Variants in DACH2 observed in about 807,000 individuals in gnomAD.
DACH2 encodes the protein dachshund homolog 2.
A neutral mutation model predicts 35.8 loss-of-function variants in DACH2; 17 were observed. The observed-to-expected ratio is 0.48, with a 90% CI of 0.33 to 0.71. DACH2 has a LOEUF of 0.71. Ranked by LOEUF, DACH2 falls within the 30% of genes least tolerant of loss-of-function variation. The pLI is 0.02. For missense variants in DACH2, 469 were observed against 472.7 expected (o/e 0.99, Z 0.07); for synonymous variants, 195 against 177.3 (o/e 1.10, Z -0.79).
At chrX:86,522,439 G>T (rs948729781) in intron 3 of DACH2, among the ~76,000 whole-genome samples, 2 of 111,165 alleles carry the variant, frequency 1.8e-5, no homozygotes, top group Non-Finnish European at 3.8e-5. Flanking sequence ...TATTCATTTA[G>T]ATATTATATC....
intron 2 of DACH2, among the ~76,000 whole-genome samples, chrX:86,445,566 C>CAAAAAAAAAAAAAAAAAAAAAAAA (rs34980646): frequency 2.1e-5 from 1 of 48,102 alleles, no homozygotes; most frequent in African/African-American, 8.9e-5. Flanking sequence ...TCAGAGTGAA[C>CAAAAAAAAAAAAAAAAAAAAAAAA]AAAAAAAAAA....
At chrX:86,361,595 T>C (rs2035740475) in intron 1 of DACH2, among the ~76,000 whole-genome samples, 1 of 111,659 alleles carries the variant, frequency 9.0e-6, no homozygotes, top group Admixed American at 9.6e-5. Context: ...GTTGACAAGA[T>C]ACAGTGAATT....
At chrX:86,243,654 T>G (rs1053545606) in intron 1 of DACH2, among the ~76,000 whole-genome samples, 1 of 112,085 alleles carries the variant, frequency 8.9e-6, no homozygotes, top group Non-Finnish European at 1.9e-5. Context: ...CTACTCAGGA[T>G]TCTCTCCAAG....
At chrX:86,603,123 T>G (rs1176628075) in intron 3 of DACH2, among the ~76,000 whole-genome samples, 1 of 111,299 alleles carries the variant, frequency 9.0e-6, no homozygotes, top group Non-Finnish European at 1.9e-5. Context: ...AATGGTCTAC[T>G]CTATGTTTGT....
At chrX:86,604,809 G>T (rs1232268364) in intron 3 of DACH2, among the ~76,000 whole-genome samples, 1 of 111,436 alleles carries the variant, frequency 9.0e-6, no homozygotes, top group Non-Finnish European at 1.9e-5. Context: ...AGTGAAAGTG[G>T]TGACTCAGAA....
intron 11 of DACH2, chrX:86,830,791 C>G (rs2042604828): frequency 9.0e-6 from 1 of 111,248 alleles, no homozygotes; most frequent in African/African-American, 3.3e-5. Flanking sequence ...CATTTCATGT[C>G]AAAGAGCTTT....
intron 1 of DACH2, among the ~76,000 whole-genome samples, chrX:86,337,298 A>C: frequency 8.9e-6 from 1 of 112,077 alleles, no homozygotes; most frequent in Middle Eastern, 4.6e-3. Flanking sequence ...GGTTGAAATG[A>C]AGGATAAAAT....
chrX:86,821,111 G>C (rs777084075), intron 11 of DACH2, among the ~76,000 whole-genome samples: 6 of 110,979 alleles, frequency 5.4e-5, no homozygotes, highest in Non-Finnish European at 1.1e-4. Flanking sequence ...ACCACAGTGT[G>C]CTCTCCATCT....
At chrX:86,163,760 C>T (rs2030847273) in intron 1 of DACH2, among the ~76,000 whole-genome samples, 1 of 111,382 alleles carries the variant, frequency 9.0e-6, no homozygotes, top group African/African-American at 3.3e-5. Flanking sequence ...ACAATCTCAT[C>T]GTTTTTTATG....
intron 3 of DACH2, among the ~76,000 whole-genome samples, chrX:86,615,846 A>G (rs892071386): frequency 2.7e-5 from 3 of 110,276 alleles, no homozygotes; most frequent in Non-Finnish European, 5.7e-5. Context: ...CCTGGGGGTT[A>G]GTTGTACAGA....
At chrX:86,262,310 CA>C (rs2033641890) in intron 1 of DACH2, among the ~76,000 whole-genome samples, 2 of 111,024 alleles carry the variant, frequency 1.8e-5, no homozygotes, top group African/African-American at 3.3e-5. Context: ...AACAAACAAA[CA>C]AAAAAATAAA....
intron 1 of DACH2, among the ~76,000 whole-genome samples, chrX:86,333,973 T>C (rs965888655): frequency 9.3e-6 from 1 of 107,809 alleles, no homozygotes; most frequent in Non-Finnish European, 2.0e-5. Flanking sequence ...GTTCTCATTG[T>C]TCAACTCCCA....
At chrX:86,661,426 A>T (rs1225256224) in intron 4 of DACH2, among the ~76,000 whole-genome samples, 1 of 112,637 alleles carries the variant, frequency 8.9e-6, no homozygotes, top group Non-Finnish European at 1.9e-5. Flanking sequence ...ATGTAAATGG[A>T]ATCATACAAT....
chrX:86,324,043 T>C (rs1279581414), intron 1 of DACH2, among the ~76,000 whole-genome samples: 4 of 112,071 alleles, frequency 3.6e-5, no homozygotes, highest in South Asian at 7.5e-4. Context: ...GAAGCAGCTT[T>C]ATTGTCTGGG....
At chrX:86,470,120 C>G (rs1267022850) in intron 2 of DACH2, among the ~76,000 whole-genome samples, 1 of 111,133 alleles carries the variant, frequency 9.0e-6, no homozygotes, top group Non-Finnish European at 1.9e-5. Context: ...GGGTGCTTAT[C>G]AGCAGAGTAT....
chrX:86,573,066 G>A (rs1380793293), intron 3 of DACH2, among the ~76,000 whole-genome samples: 1 of 110,648 alleles, frequency 9.0e-6, no homozygotes, highest in Non-Finnish European at 1.9e-5. Flanking sequence ...TTTTCAGTCA[G>A]TGCCCAGTAC....
At chrX:86,667,489 AAGAAAGAAAG>A (rs1426054828) in intron 4 of DACH2, among the ~76,000 whole-genome samples, 3 of 80,516 alleles carry the variant, frequency 3.7e-5, no homozygotes, top group East Asian at 3.8e-4. Context: ...GAAGGAAGGA[AAGAAAGAAAG>A]AGAAAGAAAG....
At position 86,341,839 on chromosome X, in the gene DACH2, G is replaced by A. The variant is rs770407585; in HGVS notation, c.489-34985G>A. 7.2e-5 allele frequency among the ~76,000 whole-genome samples: 8 copies of A among 111,872 alleles called. 1 individual carries two copies. The South Asian group carries it at 2.6e-3, about 37-fold the overall frequency. ...CAGTGGAGGATGTAACTGCAGACAT[G>A]GTAGAAAGAGCAAGAGAACTAGAAT... On this transcript the variant is annotated intron_variant, in intron 1 of 11. Transcript: ENST00000373125.
At chrX:86,519,077 C>T (rs1334319483) in intron 3 of DACH2, among the ~76,000 whole-genome samples, 1 of 111,782 alleles carries the variant, frequency 8.9e-6, no homozygotes, top group Non-Finnish European at 1.9e-5. Context: ...TCCTTTAATA[C>T]CTAGTTTATT....
Sources: gnomAD v4.1 joint callset for allele counts (sites outside exome capture counted in the v4.1 genomes callset) on GRCh38, gnomAD v4.1.1 for gene constraint, MANE v1.5 for transcripts, NCBI Gene and HGNC (gene_info 2026-07-23, HGNC 2026-07-21) for gene names.